Variants in ANKRD28 observed in about 807,000 individuals in gnomAD.
ANKRD28 encodes serine/threonine-protein phosphatase 6 regulatory ankyrin repeat subunit A.
In ANKRD28, 44 loss-of-function variants were observed where a neutral mutation model predicts 126.5. The ratio of observed to expected loss-of-function variants is 0.35; its 90% confidence interval spans 0.27 to 0.45. The LOEUF (loss-of-function observed/expected upper bound fraction) is 0.45. ANKRD28 is among the 20% of genes least tolerant of loss of function. The pLI is 1.00. For missense variants in ANKRD28, 1,110 were observed against 1,316.6 expected (o/e 0.84, Z 2.43); for synonymous variants, 442 against 468.5 (o/e 0.94, Z 0.73).
chr3:15,851,072 T>C (rs997945957), intron 1 of ANKRD28, among the ~76,000 whole-genome samples: 2 of 152,208 alleles, frequency 1.3e-5, no homozygotes, highest in Non-Finnish European at 2.9e-5. Context: ...ATGTGACACA[T>C]TTGCTCACAA....
chr3:15,689,729 A>T (rs914707157), intron 18 of ANKRD28: 2 of 265,390 alleles, frequency 7.5e-6, no homozygotes, highest in African/African-American at 2.2e-5. Flanking sequence ...CCTACATGTA[A>T]ACAACTTTAT....
intron 13 of ANKRD28, 41 bp from the exon 14 acceptor site, chr3:15,708,105 G>A (rs1481028482): frequency 1.3e-6 from 2 of 1,560,338 alleles, no homozygotes; most frequent in African/African-American, 2.7e-5. Flanking sequence ...AAAAGCCAGA[G>A]ACATAACTAG....
chr3:15,796,813 A>C lies in ANKRD28; in HGVS notation c.-292T>G, dbSNP rs1357347600. On this transcript the variant is annotated 5_prime_UTR_variant, in exon 1 of 28. Coordinates refer to ENST00000683139, the MANE Select transcript of ANKRD28 (RefSeq NM_001349278.2). ...CATGTCAATAACTAAAACTGAGTCC[A>C]AGCTCATTTAAAAATATTTTTCCTC... The C allele has an allele frequency of 1.0e-6, 1 of 988,204 alleles. No homozygotes were observed. The highest frequency in any genetic ancestry group is 1.7e-5 in the African/African-American group (1 of 57,236). 61.2% of individuals were successfully genotyped at this position (988,204 alleles called of 1,614,324 possible).
At chr3:15,724,301 A>C in intron 7 of ANKRD28, 81 bp downstream of exon 7, 3 of 1,222,062 alleles carry the variant, frequency 2.5e-6, no homozygotes, top group Non-Finnish European at 2.2e-6. Context: ...TAATTTCTTA[A>C]ACCTGAAATA....
At chr3:15,700,226 T>A (rs562102468) in intron 14 of ANKRD28, among the ~76,000 whole-genome samples, 1 of 151,876 alleles carries the variant, frequency 6.6e-6, no homozygotes, top group Non-Finnish European at 1.5e-5. Flanking sequence ...CAACTCTCAC[T>A]CTTAAGTGGA....
intron 3 of ANKRD28, among the ~76,000 whole-genome samples, chr3:15,763,630 T>C (rs1238278507): frequency 2.6e-5 from 4 of 152,140 alleles, no homozygotes; most frequent in Non-Finnish European, 4.4e-5. Context: ...AGCAAGGACA[T>C]GAAAAGGTTC....
rs577430589 is a variant in ANKRD28 at position 15,713,489 on chromosome 3, T to A, written c.1190+38A>T. 5.7e-5 allele frequency: 86 copies of A among 1,515,962 alleles called. 1 individual carries two copies. In the South Asian group the frequency reaches 9.2e-4, roughly 16 times the overall value. 93.9% of individuals were successfully genotyped at this position (1,515,962 alleles called of 1,614,324 possible). ...ACTGCAGTTCACTTCCCTTTGTGCT[T>A]GCCTGTATCAGTTATCAACACCTCG... is the stretch of plus-strand genomic sequence containing the variant. On this transcript the variant is annotated intron_variant, in intron 10 of 27. Transcript: ENST00000683139.
rs576094064 is a variant in ANKRD28 at position 15,856,463 on chromosome 3, C to G, written c.27+2914G>C. On this transcript the variant is annotated intron_variant, in intron 1 of 27. Transcript: ENST00000399451. The stretch of plus-strand genomic sequence containing the variant: ...GGATGATTACATTTTAACATACCAA[C>G]TGCAAGAATAAAAACTGTAACACTG... Among the ~76,000 whole-genome samples, 4 of 152,250 alleles carry G rather than the reference C, an allele frequency of 2.6e-5. No individual in the cohort carries two copies. In the South Asian group the frequency reaches 6.2e-4, roughly 24 times the overall value.
chr3:15,797,455 G>T lies in ANKRD28; in HGVS notation c.-934C>A. On this transcript the variant is annotated 5_prime_UTR_variant, in exon 1 of 28. The change creates a new upstream start codon in the 5' untranslated region. Transcript: ENST00000683139. ...CTCCAGCAAAAGGGCACAGGCACCA[G>T]GCAGAAATGGTGTTAGTGGAGAATC... The T allele has an allele frequency of 1.0e-6, 1 of 985,376 alleles. No individual in the cohort carries two copies. The highest frequency in any genetic ancestry group is 1.2e-6 in the Non-Finnish European group (1 of 829,964). 61.0% of individuals were successfully genotyped at this position (985,376 alleles called of 1,614,324 possible).
intron 14 of ANKRD28, among the ~76,000 whole-genome samples, chr3:15,706,323 G>A (rs1284140262): frequency 6.6e-6 from 1 of 151,604 alleles, no homozygotes; most frequent in Non-Finnish European, 1.5e-5. Context: ...TCTCACCTAT[G>A]AGTGAGAACA....
intron 3 of ANKRD28, among the ~76,000 whole-genome samples, chr3:15,762,948 G>A (rs180813635): frequency 4.6e-5 from 7 of 152,294 alleles, no homozygotes; most frequent in Non-Finnish European, 8.8e-5. Flanking sequence ...TAAGAGGTAA[G>A]GCCAGGACTG....
chr3:15,742,491 C>T (rs1461749848), intron 4 of ANKRD28, among the ~76,000 whole-genome samples: 1 of 141,874 alleles, frequency 7.0e-6, no homozygotes, highest in African/African-American at 2.7e-5. Context: ...TGAGGAGACC[C>T]TCCGCCTGGC....
At chr3:15,849,497 G>C (rs1416090489) in intron 1 of ANKRD28, among the ~76,000 whole-genome samples, 6 of 152,164 alleles carry the variant, frequency 3.9e-5, no homozygotes, top group Non-Finnish European at 1.5e-5. Flanking sequence ...TTTCTACAAA[G>C]ACAGGGTGAG....
intron 8 of ANKRD28, among the ~76,000 whole-genome samples, chr3:15,716,790 C>T (rs373009152): frequency 6.6e-6 from 1 of 152,134 alleles, no homozygotes; most frequent in African/African-American, 2.4e-5. Context: ...GCACGTTTCA[C>T]GCACAGTTTT....
intron 6 of ANKRD28, among the ~76,000 whole-genome samples, chr3:15,734,515 C>A (rs1488319884): frequency 6.6e-6 from 1 of 152,132 alleles, no homozygotes; most frequent in Non-Finnish European, 1.5e-5. Flanking sequence ...TAACCTCTGG[C>A]AGGAAGAAAA....
intron 2 of ANKRD28, among the ~76,000 whole-genome samples, chr3:15,780,793 C>A (rs1174392296): frequency 6.6e-6 from 1 of 152,052 alleles, no homozygotes; most frequent in Non-Finnish European, 1.5e-5. Flanking sequence ...TGATTTTTGA[C>A]AAAGGTGCCA....
At chr3:15,744,588 A>T (rs755746765) in intron 4 of ANKRD28, among the ~76,000 whole-genome samples, 2 of 151,666 alleles carry the variant, frequency 1.3e-5, no homozygotes, top group Non-Finnish European at 2.9e-5. Flanking sequence ...AACTGCTGGG[A>T]TTCCAGGCGT....
intron 1 of ANKRD28, among the ~76,000 whole-genome samples, chr3:15,808,916 G>A (rs906792702): frequency 1.3e-5 from 2 of 151,714 alleles, no homozygotes; most frequent in African/African-American, 2.4e-5. Flanking sequence ...TTCTTGTTGC[G>A]TCCATAATAT....
chr3:15,803,485 C>T (rs190396076), intron 1 of ANKRD28, among the ~76,000 whole-genome samples: 272 of 151,860 alleles, frequency 1.8e-3, no homozygotes, highest in Non-Finnish European at 2.9e-3. Context: ...GGTGTGGTGG[C>T]GCGTGCCTGT....
Sources: gnomAD v4.1 joint callset for allele counts (sites outside exome capture counted in the v4.1 genomes callset) on GRCh38, gnomAD v4.1.1 for gene constraint, MANE v1.5 for transcripts, NCBI Gene and HGNC (gene_info 2026-07-23, HGNC 2026-07-21) for gene names.